LRRC4C: variants seen among roughly 807,000 people sequenced by gnomAD.
LRRC4C encodes leucine rich repeat containing 4C.
LRRC4C carries 5 observed loss-of-function variants against 33.6 expected under a neutral mutation model. That is an observed-to-expected ratio of 0.15 (90% CI 0.08 to 0.31). LRRC4C has a LOEUF of 0.31. Among genes scored for constraint, LRRC4C ranks in the 10% least tolerant of loss-of-function variants. The pLI is 1.00. For missense variants in LRRC4C, 560 were observed against 796.7 expected (o/e 0.70, Z 3.58); for synonymous variants, 329 against 302.0 (o/e 1.09, Z -0.93).
chr11:41,457,723 G>T (rs769294877), intron 1 of LRRC4C, among the ~76,000 whole-genome samples: 2 of 152,014 alleles, frequency 1.3e-5, no homozygotes, highest in Non-Finnish European at 2.9e-5. Context: ...TGACATGAAA[G>T]ACATATTATA....
intron 3 of LRRC4C, among the ~76,000 whole-genome samples, chr11:40,463,520 A>G (rs1952509183): frequency 6.6e-6 from 1 of 152,126 alleles, no homozygotes; most frequent in African/African-American, 2.4e-5. Flanking sequence ...TCTTTGAGTA[A>G]TATTTTCAAG....
intron 1 of LRRC4C, among the ~76,000 whole-genome samples, chr11:41,301,666 T>G (rs1950293006): frequency 6.6e-6 from 1 of 152,130 alleles, no homozygotes; most frequent in East Asian, 1.9e-4. Flanking sequence ...TATTAAATAA[T>G]TTTCTTATAA....
intron 1 of LRRC4C, among the ~76,000 whole-genome samples, chr11:41,236,357 A>T: frequency 6.6e-6 from 1 of 152,076 alleles, no homozygotes. Flanking sequence ...TCTCATAGCC[A>T]AACAGAATTT....
intron 3 of LRRC4C, among the ~76,000 whole-genome samples, chr11:40,354,928 A>G (rs2137114735): frequency 6.6e-6 from 1 of 152,128 alleles, no homozygotes; most frequent in South Asian, 2.1e-4. Flanking sequence ...TAGCCACCAT[A>G]GCTAGGAATG....
intron 2 of LRRC4C, among the ~76,000 whole-genome samples, chr11:40,733,382 G>A (rs1947705473): frequency 6.6e-6 from 1 of 151,810 alleles, no homozygotes; most frequent in South Asian, 2.1e-4. Context: ...CCTGAATATA[G>A]ATTATTTTAT....
intron 1 of LRRC4C, among the ~76,000 whole-genome samples, chr11:41,342,347 T>C (rs1229432839): frequency 1.3e-5 from 2 of 152,110 alleles, no homozygotes; most frequent in Admixed American, 6.5e-5. Context: ...TTTGGTTTTC[T>C]GCTCTCCACA....
chr11:41,430,268 C>T (rs1955187291), intron 1 of LRRC4C, among the ~76,000 whole-genome samples: 1 of 152,098 alleles, frequency 6.6e-6, no homozygotes, highest in African/African-American at 2.4e-5. Context: ...TCATAATTTA[C>T]AATGCATTGT....
intron 1 of LRRC4C, among the ~76,000 whole-genome samples, chr11:41,338,993 C>T (rs984936101): frequency 6.6e-6 from 1 of 151,986 alleles, no homozygotes; most frequent in Non-Finnish European, 1.5e-5. Context: ...AAGAGTAACA[C>T]ATAGAAAATG....
intron 6 of LRRC4C, among the ~76,000 whole-genome samples, chr11:40,133,021 A>G (rs1470377431): frequency 6.6e-6 from 1 of 152,212 alleles, no homozygotes; most frequent in East Asian, 1.9e-4. Context: ...AGATCTAAGA[A>G]GACTATCTGA....
At chr11:40,500,271 GATATAT>G (rs377169790) in intron 3 of LRRC4C, among the ~76,000 whole-genome samples, 14 of 105,048 alleles carry the variant, frequency 1.3e-4, no homozygotes, top group South Asian at 3.7e-4. Flanking sequence ...CCTAATGTCT[GATATAT>G]ATATATATAT....
chr11:41,075,046 G>GTT (rs59948632), intron 1 of LRRC4C, among the ~76,000 whole-genome samples: 11 of 52,700 alleles, frequency 2.1e-4, no homozygotes, highest in East Asian at 1.4e-3. Context: ...TATTTTTAAT[G>GTT]TTTTTTTTTT....
At chr11:41,053,527 C>A (rs1337553853) in intron 1 of LRRC4C, among the ~76,000 whole-genome samples, 1 of 152,158 alleles carries the variant, frequency 6.6e-6, no homozygotes, top group Non-Finnish European at 1.5e-5. Flanking sequence ...CAAGCTAAAC[C>A]CTGTCTGGAA....
intron 3 of LRRC4C, among the ~76,000 whole-genome samples, chr11:40,383,600 G>C (rs1948979165): frequency 6.6e-6 from 1 of 152,052 alleles, no homozygotes; most frequent in African/African-American, 2.4e-5. Context: ...GCATTTCTCT[G>C]GTGATTGGTG....
chr11:40,590,582 TTC>T (rs1423558170), intron 3 of LRRC4C, among the ~76,000 whole-genome samples: 3 of 151,960 alleles, frequency 2.0e-5, no homozygotes, highest in African/African-American at 7.3e-5. Flanking sequence ...AGCTTTTCTG[TTC>T]TGTTTTTTCC....
intron 2 of LRRC4C, among the ~76,000 whole-genome samples, chr11:40,788,437 A>T (rs1950499374): frequency 6.6e-6 from 1 of 152,084 alleles, no homozygotes. Context: ...TTTGCTGTAA[A>T]TGTTTTAAGT....
chr11:40,243,689 T>A (rs1008077900), intron 4 of LRRC4C, among the ~76,000 whole-genome samples: 36 of 93,226 alleles, frequency 3.9e-4, no homozygotes, highest in African/African-American at 1.1e-3. Context: ...ACTTATATCT[T>A]TTTTTTTTTT....
chr11:41,434,314 T>C (rs1353126921), intron 1 of LRRC4C, among the ~76,000 whole-genome samples: 6 of 152,188 alleles, frequency 3.9e-5, no homozygotes, highest in Non-Finnish European at 8.8e-5. Flanking sequence ...GAATCTCTTT[T>C]TTTAATAGAC....
At chr11:40,983,698 T>A (rs1397896705) in intron 1 of LRRC4C, among the ~76,000 whole-genome samples, 1 of 152,074 alleles carries the variant, frequency 6.6e-6, no homozygotes, top group African/African-American at 2.4e-5. Flanking sequence ...GAACAGACAC[T>A]TCTCAAAGGA....
chr11:40,959,608 A>G (rs528410233), intron 1 of LRRC4C, among the ~76,000 whole-genome samples: 18 of 151,810 alleles, frequency 1.2e-4, no homozygotes, highest in African/African-American at 3.9e-4. Flanking sequence ...TTCTATGTTT[A>G]TATTTAAACA....
Sources: allele counts gnomAD v4.1 joint callset (sites outside exome capture counted in the v4.1 genomes callset), GRCh38; gene constraint gnomAD v4.1.1; transcripts MANE v1.5; gene names NCBI Gene and HGNC (gene_info 2026-07-23, HGNC 2026-07-21).